LRRFIP2: variants seen among roughly 807,000 people sequenced by gnomAD.
The protein encoded by LRRFIP2 is leucine-rich repeat flightless-interacting protein 2.
Under a neutral mutation model 125.9 loss-of-function variants are expected in LRRFIP2, and 109 were observed. The observed-to-expected ratio is 0.87, with a 90% confidence interval of 0.74 to 1.01. The LOEUF (loss-of-function observed/expected upper bound fraction) is 1.01, where lower values mean the gene tolerates loss of function less well. LRRFIP2 is among the 50% of genes least tolerant of loss of function. The pLI, the probability that LRRFIP2 is intolerant of heterozygous loss-of-function variation, is 0.00. For synonymous variants in LRRFIP2, 291 were observed against 293.1 expected, an observed-to-expected ratio of 0.99 and a Z score of 0.07; for missense variants, 850 against 862.3, an observed-to-expected ratio of 0.99 and a Z score of 0.18.
chr3:37,090,371 G>A (rs534530243), intron 18 of LRRFIP2, among the ~76,000 whole-genome samples: 1 of 152,198 alleles, frequency 6.6e-6, no homozygotes, highest in East Asian at 1.9e-4. Context: ...TTGGATTACA[G>A]GCGCCTGCCA....
intron 2 of LRRFIP2, among the ~76,000 whole-genome samples, chr3:37,137,460 T>C (rs1167150540): frequency 6.6e-5 from 10 of 152,160 alleles, no homozygotes; most frequent in Non-Finnish European, 1.5e-5. Flanking sequence ...TGCATATCCT[T>C]AGACAAATCA....
chr3:37,061,933 T>A (rs193209924), intron 24 of LRRFIP2, among the ~76,000 whole-genome samples: 1 of 152,336 alleles, frequency 6.6e-6, no homozygotes, highest in Non-Finnish European at 1.5e-5. Flanking sequence ...TAGACCCGAA[T>A]TCCAACAACC....
chr3:37,168,083 T>C (rs1196978526), intron 1 of LRRFIP2, among the ~76,000 whole-genome samples: 1 of 152,210 alleles, frequency 6.6e-6, no homozygotes, highest in Non-Finnish European at 1.5e-5. Context: ...TAAAATGGTA[T>C]AGCCACTGTG....
chr3:37,073,381 T>A (rs1396630664), intron 20 of LRRFIP2, among the ~76,000 whole-genome samples: 1 of 152,224 alleles, frequency 6.6e-6, no homozygotes, highest in Admixed American at 6.5e-5. Context: ...GAATTTTGTA[T>A]TATTTTAAAA....
chr3:37,072,916 G>C, intron 20 of LRRFIP2, 34 bp from the exon 21 acceptor site: 1 of 1,410,398 alleles, frequency 7.1e-7, no homozygotes, highest in Non-Finnish European at 9.9e-7. Context: ...AGTAATAAAA[G>C]AGCAGAAAGA....
intron 25 of LRRFIP2, among the ~76,000 whole-genome samples, chr3:37,058,513 A>C (rs2087566674): frequency 6.6e-6 from 1 of 152,096 alleles, no homozygotes. Context: ...GTCTCTGCTA[A>C]AAACATAAAA....
At chr3:37,154,232 T>C (rs76685508) in intron 1 of LRRFIP2, among the ~76,000 whole-genome samples, 2,490 of 152,248 alleles carry the variant, frequency 0.016, 76 homozygotes, top group African/African-American at 0.054. Context: ...TGCAATCTAT[T>C]TTCTAGTAAC....
At position 37,123,169 on chromosome 3, in the gene LRRFIP2, A is replaced by ATTT. The variant is rs567596329; in HGVS notation, c.229-1481_229-1479dup. 2.6e-3 allele frequency among the ~76,000 whole-genome samples: 391 copies of ATTT among 148,798 alleles called. 3 individuals carry two copies. Among genetic ancestry groups the ATTT allele is most frequent in the African/African-American group, 9.7e-3 (373 of 38,616 alleles). ...CTTTAGGAATTCGTCACTGATTTAC[A>ATTT]TTTGTTGTTGTTGTTGTTGTTGTTG... On this transcript the variant is annotated intron_variant, in intron 4 of 27. Transcript: ENST00000336686.
upstream of LRRFIP2, among the ~76,000 whole-genome samples, chr3:37,175,577 C>A (rs2096648653): frequency 1.3e-5 from 2 of 152,142 alleles, no homozygotes; most frequent in Admixed American, 1.3e-4. Flanking sequence ...TCGTATTAGT[C>A]AAGTATTAAC....
Position 37,135,768 on chromosome 3 carries a change from G to A in LRRFIP2, c.91-6619C>T, listed in dbSNP as rs2095542487. Reference sequence around the variant, plus strand: ...ACTTGATATCCACTAGGATTGCTATGATAAAAAATGTTTTTCAACTGAAAA... The same window carrying A: ...ACTTGATATCCACTAGGATTGCTATAATAAAAAATGTTTTTCAACTGAAAA... On this transcript the variant is annotated intron_variant, in intron 2 of 27. Coordinates refer to ENST00000336686, the MANE Select transcript of LRRFIP2 (RefSeq NM_006309.4). 2.0e-5 allele frequency among the ~76,000 whole-genome samples: 3 copies of A among 152,142 alleles called. No homozygotes were observed. The South Asian group carries it at 6.2e-4, about 31-fold the overall frequency.
chr3:37,139,655 TCACA>T (rs2095642619), intron 2 of LRRFIP2, among the ~76,000 whole-genome samples: 2 of 151,962 alleles, frequency 1.3e-5, no homozygotes, highest in Admixed American at 1.3e-4. Flanking sequence ...TCACACACAC[TCACA>T]CACATACACA....
intron 14 of LRRFIP2, 52 bp downstream of exon 14, chr3:37,105,403 A>C: frequency 1.4e-6 from 2 of 1,428,954 alleles, no homozygotes; most frequent in Non-Finnish European, 2.0e-6. Flanking sequence ...GTGATCATGC[A>C]TTGCTGTCAT....
At chr3:37,110,588 A>G (rs535185018) in intron 9 of LRRFIP2, among the ~76,000 whole-genome samples, 2 of 152,320 alleles carry the variant, frequency 1.3e-5, no homozygotes, top group East Asian at 3.9e-4. Flanking sequence ...CCCACTCTGA[A>G]GTATATGGAT....
intron 21 of LRRFIP2, chr3:37,068,253 T>C (rs2090515267): frequency 6.6e-6 from 1 of 152,218 alleles, no homozygotes; most frequent in African/African-American, 2.4e-5. Flanking sequence ...ATGTCATGTA[T>C]CACCACATAT....
At chr3:37,164,316 G>C (rs2096420456) in intron 1 of LRRFIP2, among the ~76,000 whole-genome samples, 1 of 152,046 alleles carries the variant, frequency 6.6e-6, no homozygotes, top group Admixed American at 6.5e-5. Context: ...TTGCAGGGAG[G>C]GAAAGTGGGA....
At chr3:37,094,332 C>T (rs915031736) in intron 17 of LRRFIP2, among the ~76,000 whole-genome samples, 2 of 152,184 alleles carry the variant, frequency 1.3e-5, no homozygotes, top group African/African-American at 4.8e-5. Flanking sequence ...TTCATTATCT[C>T]AGGTATTTCT....
intron 1 of LRRFIP2, among the ~76,000 whole-genome samples, chr3:37,164,606 A>G: frequency 6.6e-6 from 1 of 152,008 alleles, no homozygotes; most frequent in Admixed American, 6.6e-5. Context: ...CTGTAATCTC[A>G]GCCACATGGG....
chr3:37,074,590 A>G (rs181658334), intron 20 of LRRFIP2, among the ~76,000 whole-genome samples: 159 of 152,310 alleles, frequency 1.0e-3, no homozygotes, highest in Middle Eastern at 6.8e-3. Flanking sequence ...ACCATTCTTT[A>G]CCTTTTTGTA....
At chr3:37,158,226 T>C (rs1047233069) in intron 1 of LRRFIP2, among the ~76,000 whole-genome samples, 24 of 152,208 alleles carry the variant, frequency 1.6e-4, no homozygotes, top group African/African-American at 5.5e-4. Flanking sequence ...CCTTTTAAAG[T>C]ATCTCAGAGA....
Sources: gnomAD v4.1 joint callset for allele counts (sites outside exome capture counted in the v4.1 genomes callset) on GRCh38, gnomAD v4.1.1 for gene constraint, MANE v1.5 for transcripts, NCBI Gene and HGNC (gene_info 2026-07-23, HGNC 2026-07-21) for gene names.